Variants in MDGA2 observed in about 807,000 individuals in gnomAD.
The protein encoded by MDGA2 is MAM domain-containing glycosylphosphatidylinositol anchor protein 2.
A neutral mutation model predicts 117.8 loss-of-function variants in MDGA2; 40 were observed. The observed-to-expected ratio is 0.34, with a 90% CI of 0.26 to 0.44. The LOEUF (loss-of-function observed/expected upper bound fraction) is 0.44, where lower values mean the gene tolerates loss of function less well. Ranked by LOEUF, MDGA2 falls within the 20% of genes least tolerant of loss-of-function variation. The pLI, the probability that MDGA2 is intolerant of heterozygous loss-of-function variation, is 1.00. For synonymous variants in MDGA2, 452 were observed against 439.0 expected, an observed-to-expected ratio of 1.03 and a Z score of -0.37; for missense variants, 1,123 against 1,250.6, an observed-to-expected ratio of 0.90 and a Z score of 1.54.
intron 1 of MDGA2, 23 bp downstream of exon 1, chr14:47,674,494 G>A (rs1331380881): frequency 1.9e-6 from 3 of 1,542,716 alleles, no homozygotes; most frequent in African/African-American, 2.8e-5. Flanking sequence ...ACAAGGTCAC[G>A]ATAGCGTCGC....
chr14:47,017,357 A>G (rs942357256), intron 8 of MDGA2, among the ~76,000 whole-genome samples: 1 of 151,896 alleles, frequency 6.6e-6, no homozygotes, highest in African/African-American at 2.4e-5. Flanking sequence ...TACTGTCTTT[A>G]GTGAGAGATA....
At chr14:46,916,737 A>G (rs1883914492) in intron 10 of MDGA2, among the ~76,000 whole-genome samples, 1 of 152,138 alleles carries the variant, frequency 6.6e-6, no homozygotes, top group Admixed American at 6.5e-5. Flanking sequence ...AGAACAGCAC[A>G]AAGTCATTAC....
At chr14:47,447,783 G>GGA (rs1364574219) in intron 1 of MDGA2, among the ~76,000 whole-genome samples, 1 of 152,176 alleles carries the variant, frequency 6.6e-6, no homozygotes, top group African/African-American at 2.4e-5. Context: ...TCATAGATGA[G>GGA]GACACAGCTC....
chr14:47,662,747 G>T (rs945702785), intron 1 of MDGA2, among the ~76,000 whole-genome samples: 2 of 152,120 alleles, frequency 1.3e-5, no homozygotes, highest in African/African-American at 4.8e-5. Flanking sequence ...AGTCCACTGG[G>T]AGTTATTCTA....
At chr14:46,916,813 C>T (rs1883918293) in intron 10 of MDGA2, among the ~76,000 whole-genome samples, 1 of 151,692 alleles carries the variant, frequency 6.6e-6, no homozygotes, top group Non-Finnish European at 1.5e-5. Flanking sequence ...GTAAAATTAC[C>T]AATTAGAATA....
chr14:47,165,113 AG>A (rs1464302531), intron 3 of MDGA2, among the ~76,000 whole-genome samples: 4 of 149,630 alleles, frequency 2.7e-5, no homozygotes, highest in African/African-American at 9.8e-5. Flanking sequence ...GGGTGGGGGC[AG>A]GGGGTAGGGA....
intron 4 of MDGA2, among the ~76,000 whole-genome samples, chr14:47,143,865 G>A (rs935140247): frequency 6.6e-6 from 1 of 152,060 alleles, no homozygotes; most frequent in African/African-American, 2.4e-5. Flanking sequence ...GTTAAAAAAT[G>A]TTTTCAAAAG....
intron 1 of MDGA2, among the ~76,000 whole-genome samples, chr14:47,665,810 C>A (rs1405322580): frequency 1.1e-4 from 1 of 9,016 alleles, no homozygotes; most frequent in Non-Finnish European, 3.3e-4. Flanking sequence ...TCCCTCGCCC[C>A]CCCTCCCCCC....
downstream of MDGA2, among the ~76,000 whole-genome samples, chr14:46,839,682 T>C (rs141342696): frequency 4.6e-5 from 7 of 152,014 alleles, no homozygotes; most frequent in East Asian, 3.9e-4. Flanking sequence ...TTTGGTCTGA[T>C]AAAGTATATG....
chr14:47,201,212 C>A (rs1885495488), intron 3 of MDGA2: 1 of 543,230 alleles, frequency 1.8e-6, no homozygotes, highest in Non-Finnish European at 3.4e-6. Flanking sequence ...GTTTATAACC[C>A]CTCTCTCTTA....
intron 1 of MDGA2, among the ~76,000 whole-genome samples, chr14:47,530,613 G>A (rs946915287): frequency 5.9e-5 from 9 of 151,882 alleles, no homozygotes; most frequent in South Asian, 2.1e-4. Context: ...AATAAATGCC[G>A]GTATACCAAG....
intron 2 of MDGA2, among the ~76,000 whole-genome samples, chr14:47,218,725 T>G (rs1886191783): frequency 6.6e-6 from 1 of 152,074 alleles, no homozygotes; most frequent in African/African-American, 2.4e-5. Context: ...TGTTTAAGAG[T>G]TTGTTTTCCT....
At chr14:47,605,431 A>G (rs905802212) in intron 1 of MDGA2, among the ~76,000 whole-genome samples, 1 of 152,234 alleles carries the variant, frequency 6.6e-6, no homozygotes, top group Non-Finnish European at 1.5e-5. Flanking sequence ...AGAGATGTAT[A>G]GACACACGGG....
intron 8 of MDGA2, among the ~76,000 whole-genome samples, chr14:46,958,924 A>G (rs1305926518): frequency 6.6e-6 from 1 of 152,154 alleles, no homozygotes; most frequent in Non-Finnish European, 1.5e-5. Context: ...TGCACTTTTG[A>G]AGTGTGATTG....
At chr14:46,991,198 G>C (rs993123072) in intron 8 of MDGA2, among the ~76,000 whole-genome samples, 1 of 152,008 alleles carries the variant, frequency 6.6e-6, no homozygotes, top group Non-Finnish European at 1.5e-5. Context: ...AGTTTGACAG[G>C]AGCATCAAGA....
chr14:47,192,815 G>C (rs1258604705), intron 3 of MDGA2, among the ~76,000 whole-genome samples: 2 of 152,056 alleles, frequency 1.3e-5, no homozygotes, highest in African/African-American at 4.8e-5. Flanking sequence ...AGCTAAATAG[G>C]CCAACCACAT....
intron 1 of MDGA2, among the ~76,000 whole-genome samples, chr14:47,413,727 C>T (rs1010320058): frequency 4.0e-5 from 6 of 150,462 alleles, no homozygotes; most frequent in Non-Finnish European, 7.4e-5. Flanking sequence ...TGGGACTGGA[C>T]ATTTGTTTAA....
chr14:47,236,015 C>G (rs1221733860), intron 2 of MDGA2, among the ~76,000 whole-genome samples: 1 of 151,830 alleles, frequency 6.6e-6, no homozygotes, highest in South Asian at 2.1e-4. Flanking sequence ...GTGTTACAAG[C>G]AAAAAACACT....
chr14:47,543,318 T>G (rs1287623761), intron 1 of MDGA2, among the ~76,000 whole-genome samples: 1 of 152,126 alleles, frequency 6.6e-6, no homozygotes, highest in Non-Finnish European at 1.5e-5. Context: ...GAAAAATATT[T>G]AAAAAATGCA....
Sources: allele counts gnomAD v4.1 joint callset (sites outside exome capture counted in the v4.1 genomes callset), GRCh38; gene constraint gnomAD v4.1.1; transcripts MANE v1.5; gene names NCBI Gene and HGNC (gene_info 2026-07-23, HGNC 2026-07-21).